Variants in AR observed in about 807,000 individuals in gnomAD.
The protein encoded by AR is dihydrotestosterone receptor.
Under a neutral mutation model 53.9 loss-of-function variants are expected in AR, and 8 were observed. That is an observed-to-expected ratio of 0.15 (90% CI 0.09 to 0.27). The LOEUF is 0.27. Ranked by LOEUF, AR falls within the 10% of genes least tolerant of loss-of-function variation. The probability of loss-of-function intolerance (pLI) is 1.00; values close to 1 mark genes in which losing one functional copy is unlikely to be tolerated. For missense variants in AR, 639 were observed against 742.5 expected (o/e 0.86, Z 1.62); for synonymous variants, 359 against 316.4 (o/e 1.13, Z -1.43).
chrX:67,651,069 CTCTG>C (rs1279227155), intron 2 of AR, among the ~76,000 whole-genome samples: 2 of 108,520 alleles, frequency 1.8e-5, no homozygotes, highest in Non-Finnish European at 3.8e-5. Flanking sequence ...CGGAGTCTTG[CTCTG>C]TCTGTCACCC....
chrX:67,642,653 GA>G (rs1032219375), intron 1 of AR, among the ~76,000 whole-genome samples: 2 of 110,581 alleles, frequency 1.8e-5, no homozygotes, highest in African/African-American at 6.6e-5. Flanking sequence ...AGAAATGAGG[GA>G]AAAAAAAGAA....
chrX:67,549,900 C>A, intron 1 of AR, among the ~76,000 whole-genome samples: 1 of 112,035 alleles, frequency 8.9e-6, no homozygotes, highest in Non-Finnish European at 1.9e-5. Flanking sequence ...CCTCTCTCCT[C>A]TCAGTTATCA....
intron 2 of AR, among the ~76,000 whole-genome samples, chrX:67,657,939 G>C (rs1926667242): frequency 9.0e-6 from 1 of 111,539 alleles, no homozygotes; most frequent in Admixed American, 9.6e-5. Context: ...GTTTGGGATT[G>C]GAGCATGTCT....
chrX:67,724,987 T>C lies in AR; in HGVS notation c.*1146T>C. ...TTGGCTGTTCTCCTGCTTAGGACACTGACTGAATAGTTAAACTCTCACTGC... is the reference window on the plus strand; with the variant it reads ...TTGGCTGTTCTCCTGCTTAGGACACCGACTGAATAGTTAAACTCTCACTGC... On this transcript the variant is annotated 3_prime_UTR_variant, in exon 8 of 8. Coordinates refer to ENST00000374690, the MANE Select transcript of AR (RefSeq NM_000044.6). The C allele has an allele frequency of 5.7e-6, 1 of 175,762 alleles. No individual in the cohort carries two copies. Among genetic ancestry groups the C allele is most frequent in the Non-Finnish European group, 1.1e-5 (1 of 91,753 alleles). 14.5% of individuals were successfully genotyped at this position (175,762 alleles called of 1,213,427 possible). A position where few individuals can be genotyped will look rare whatever the true frequency, so the allele number is the denominator to read the frequency against.
intron 2 of AR, among the ~76,000 whole-genome samples, chrX:67,682,489 C>G (rs1400911635): frequency 9.1e-6 from 1 of 109,687 alleles, no homozygotes; most frequent in Non-Finnish European, 1.9e-5. Flanking sequence ...CGGAGTCTCA[C>G]TATGCTGCCC....
chrX:67,648,283 G>A (rs989783370), intron 2 of AR, among the ~76,000 whole-genome samples: 10 of 111,697 alleles, frequency 9.0e-5, no homozygotes, highest in Admixed American at 4.8e-4. Flanking sequence ...ACCCAGAGGA[G>A]AAACTGAAAA....
At chrX:67,682,478 A>G (rs2075941081) in intron 2 of AR, among the ~76,000 whole-genome samples, 1 of 108,742 alleles carries the variant, frequency 9.2e-6, no homozygotes, top group African/African-American at 3.4e-5. Flanking sequence ...TTTTATAGAG[A>G]CGGAGTCTCA....
intron 1 of AR, among the ~76,000 whole-genome samples, chrX:67,614,018 A>G (rs1978787676): frequency 8.9e-6 from 1 of 112,423 alleles, no homozygotes; most frequent in African/African-American, 3.2e-5. Context: ...AACATTAACC[A>G]AAAAGTGGTT....
chrX:67,710,502 A>G (rs778012838), intron 3 of AR, among the ~76,000 whole-genome samples: 2 of 109,763 alleles, frequency 1.8e-5, no homozygotes, highest in South Asian at 4.1e-4. Flanking sequence ...GTTTTTTACT[A>G]TTTTTTGTGG....
intron 2 of AR, among the ~76,000 whole-genome samples, chrX:67,661,957 A>G (rs775972122): frequency 8.9e-6 from 1 of 111,940 alleles, no homozygotes; most frequent in Non-Finnish European, 1.9e-5. Flanking sequence ...CATTTCTTCT[A>G]GATTTTCTAG....
chrX:67,567,479 T>A (rs1921601817), intron 1 of AR, among the ~76,000 whole-genome samples: 1 of 111,113 alleles, frequency 9.0e-6, no homozygotes, highest in African/African-American at 3.3e-5. Context: ...GTTTCCCTAG[T>A]CTCCGTGCAG....
At chrX:67,670,336 AAAT>A (rs2075856186) in intron 2 of AR, among the ~76,000 whole-genome samples, 2 of 97,547 alleles carry the variant, frequency 2.1e-5, no homozygotes, top group East Asian at 3.3e-4. Flanking sequence ...ATTTTTTAAA[AAAT>A]AATAATTGTT....
intron 1 of AR, among the ~76,000 whole-genome samples, chrX:67,640,548 G>A (rs1354557832): frequency 9.1e-6 from 1 of 110,372 alleles, no homozygotes; most frequent in Non-Finnish European, 1.9e-5. Flanking sequence ...GGCTTGGGAG[G>A]GTATATGCGT....
chrX:67,558,481 A>T (rs1294893836), intron 1 of AR, among the ~76,000 whole-genome samples: 1 of 111,898 alleles, frequency 8.9e-6, no homozygotes, highest in Non-Finnish European at 1.9e-5. Flanking sequence ...GGAGCTTCTC[A>T]GATTACCCTT....
Position 67,632,721 on chromosome X carries a change from T to A in AR, c.1617-10535T>A, listed in dbSNP as rs763861417. 4.4e-5 allele frequency among the ~76,000 whole-genome samples: 5 copies of A among 112,473 alleles called. No individual in the cohort carries two copies. The South Asian group carries it at 1.5e-3, about 33-fold the overall frequency. The stretch of plus-strand genomic sequence containing the variant: ...TTTGAAATTTTTGTGCTGCAAATGA[T>A]ACCATCAAGAAAGTGAAAATCTCAC... On this transcript the variant is annotated intron_variant, in intron 1 of 7. Coordinates refer to ENST00000374690, the MANE Select transcript of AR (RefSeq NM_000044.6).
intron 2 of AR, among the ~76,000 whole-genome samples, chrX:67,645,937 C>T (rs1317135811): frequency 3.6e-5 from 4 of 111,683 alleles, no homozygotes; most frequent in African/African-American, 1.3e-4. Flanking sequence ...TCTTTATCGC[C>T]CATATGGCCT....
At chrX:67,622,451 G>A (rs1345114949) in intron 1 of AR, among the ~76,000 whole-genome samples, 2 of 112,013 alleles carry the variant, frequency 1.8e-5, no homozygotes, top group Non-Finnish European at 3.8e-5. Context: ...GATTTGTATT[G>A]TCAGTGGGAT....
intron 2 of AR, among the ~76,000 whole-genome samples, chrX:67,682,101 A>G: frequency 9.0e-6 from 1 of 111,579 alleles, no homozygotes; most frequent in Non-Finnish European, 1.9e-5. Flanking sequence ...CATATCAGAC[A>G]AGCCCACAGC....
intron 2 of AR, among the ~76,000 whole-genome samples, chrX:67,662,040 C>T: frequency 9.0e-6 from 1 of 111,013 alleles, no homozygotes; most frequent in Non-Finnish European, 1.9e-5. Context: ...TGATTATATC[C>T]CCTTTATCAT....
Sources: allele counts gnomAD v4.1 joint callset (sites outside exome capture counted in the v4.1 genomes callset), GRCh38; gene constraint gnomAD v4.1.1; transcripts MANE v1.5; gene names NCBI Gene and HGNC (gene_info 2026-07-23, HGNC 2026-07-21).